The following SFTPD variants were observed in gnomAD, a reference collection of about 807,000 sequenced individuals.
SFTPD encodes the protein pulmonary surfactant-associated protein D.
SFTPD carries 18 observed loss-of-function variants against 34.6 expected under a neutral mutation model. The observed-to-expected ratio is 0.52, with a 90% CI of 0.36 to 0.77. SFTPD has a LOEUF of 0.77. SFTPD is among the 30% of genes least tolerant of loss of function. The pLI is 0.00. For synonymous variants in SFTPD, 155 were observed against 180.9 expected, an observed-to-expected ratio of 0.86 and a Z score of 1.15; for missense variants, 433 against 468.9, an observed-to-expected ratio of 0.92 and a Z score of 0.71.
intron 1 of SFTPD, chr10:79,971,009 A>G (rs756841698): frequency 6.6e-6 from 1 of 152,172 alleles, no homozygotes; most frequent in Non-Finnish European, 1.5e-5. Context: ...GGTTTGTTAT[A>G]TGTAGTCTTT....
chr10:79,973,084 G>A (rs987175967), intron 1 of SFTPD: 5 of 151,530 alleles, frequency 3.3e-5, no homozygotes, highest in African/African-American at 9.7e-5. Flanking sequence ...AGTTACAATA[G>A]CCCCTCCATG....
chr10:79,946,980 C>T (rs562815058), intron 1 of SFTPD, among the ~76,000 whole-genome samples: 1 of 152,360 alleles, frequency 6.6e-6, no homozygotes, highest in South Asian at 2.1e-4. Context: ...TGTAGCATTC[C>T]TCACTGGGGC....
At chr10:79,945,454 A>G (rs1842655523) in intron 2 of SFTPD, among the ~76,000 whole-genome samples, 1 of 152,124 alleles carries the variant, frequency 6.6e-6, no homozygotes, top group African/African-American at 2.4e-5. Flanking sequence ...AAAGTTAAAG[A>G]CTGTATCTGA....
chr10:79,938,957 G>A (rs1193831887), intron 7 of SFTPD, among the ~76,000 whole-genome samples: 2 of 152,224 alleles, frequency 1.3e-5, no homozygotes, highest in African/African-American at 4.8e-5. Flanking sequence ...TGGTGTTAGT[G>A]CTGGAGACAG....
At chr10:79,955,329 C>T (rs1589338845) in intron 1 of SFTPD, among the ~76,000 whole-genome samples, 1 of 152,110 alleles carries the variant, frequency 6.6e-6, no homozygotes, top group Non-Finnish European at 1.5e-5. Flanking sequence ...TTCTTGGTGT[C>T]ATGAGACTAT....
At chr10:79,946,736 T>TTGTCACCTCTAGAAGCTG in intron 1 of SFTPD, 74 bp from the exon 2 acceptor site, 1 of 1,386,542 alleles carries the variant, frequency 7.2e-7, no homozygotes, top group Non-Finnish European at 1.0e-6. Context: ...GCTCAGCTTC[T>TTGTCACCTCTAGAAGCTG]AGAGGTGACA....
intron 1 of SFTPD, chr10:79,968,068 A>G (rs1184938380): frequency 6.6e-6 from 1 of 152,056 alleles, no homozygotes; most frequent in Non-Finnish European, 1.5e-5. Flanking sequence ...AGTTGTACAT[A>G]TTTATGGAGT....
intron 1 of SFTPD, among the ~76,000 whole-genome samples, chr10:79,965,418 G>A (rs1488123015): frequency 6.6e-6 from 1 of 151,474 alleles, no homozygotes; most frequent in Admixed American, 6.6e-5. Context: ...CCCACTCTAG[G>A]TTCCCACATC....
intron 1 of SFTPD, among the ~76,000 whole-genome samples, chr10:79,947,075 C>T (rs1842673461): frequency 1.3e-5 from 2 of 152,230 alleles, no homozygotes; most frequent in African/African-American, 2.4e-5. Flanking sequence ...CCTGTCTGTA[C>T]CACTGAGGCA....
chr10:79,938,446 G>A (rs551881630), intron 7 of SFTPD, among the ~76,000 whole-genome samples: 1 of 152,264 alleles, frequency 6.6e-6, no homozygotes, highest in Admixed American at 6.5e-5. Context: ...ACAGATGAGA[G>A]TACTGGAGTT....
chr10:79,938,412 A>G (rs17879274), intron 7 of SFTPD, among the ~76,000 whole-genome samples, 184 bp from the exon 8 acceptor site: 221 of 152,258 alleles, frequency 1.5e-3, no homozygotes, highest in African/African-American at 5.0e-3. Flanking sequence ...CTACCCTGTG[A>G]GGTGACACCA....
At chr10:79,979,572 G>A (rs561102157) in intron 1 of SFTPD, among the ~76,000 whole-genome samples, 11 of 152,344 alleles carry the variant, frequency 7.2e-5, no homozygotes, top group African/African-American at 1.9e-4. Context: ...ACAGGACACA[G>A]TTCAGCCAGC....
At chr10:79,982,160 G>A (rs1297470619) in intron 1 of SFTPD, 1 of 399,970 alleles carries the variant, frequency 2.5e-6, no homozygotes, top group African/African-American at 2.1e-5. Flanking sequence ...GCGGGGCAGG[G>A]CGGACATGGG....
At chr10:79,954,018 A>G (rs10887229), upstream of SFTPD, among the ~76,000 whole-genome samples, 22,101 of 148,342 alleles carry the variant, frequency 0.15, 2,046 homozygotes, top group East Asian at 0.41. Context: ...TTTTTTTTAT[A>G]TAGTTTTTAT....
chr10:79,938,425 A>T (rs759563413), intron 7 of SFTPD, among the ~76,000 whole-genome samples, 197 bp from the exon 8 acceptor site: 1 of 152,126 alleles, frequency 6.6e-6, no homozygotes, highest in Non-Finnish European at 1.5e-5. Flanking sequence ...TGACACCATG[A>T]TTCCCCACTT....
chr10:79,982,262 G>C, intron 1 of SFTPD: 1 of 946,702 alleles, frequency 1.1e-6, no homozygotes, highest in Non-Finnish European at 1.4e-6. Flanking sequence ...GGGCGGCGGC[G>C]GGGGCGCTCG....
intron 1 of SFTPD, among the ~76,000 whole-genome samples, chr10:79,964,830 C>T (rs187170372): frequency 1.3e-5 from 2 of 152,194 alleles, no homozygotes; most frequent in East Asian, 3.9e-4. Context: ...ACTAAAATAC[C>T]TCTTGGTCTA....
chr10:79,961,955 T>C (rs1842775489), intron 1 of SFTPD, among the ~76,000 whole-genome samples: 1 of 145,930 alleles, frequency 6.9e-6, no homozygotes, highest in African/African-American at 2.5e-5. Context: ...CATGGAATAC[T>C]ATGCAGCCAT....
chr10:79,956,310 C>T (rs1483389041), intron 1 of SFTPD, among the ~76,000 whole-genome samples: 1 of 152,218 alleles, frequency 6.6e-6, no homozygotes, highest in Non-Finnish European at 1.5e-5. Context: ...GGTTGCAGGA[C>T]AGTGGGTGCA....
Sources: allele counts gnomAD v4.1 joint callset (sites outside exome capture counted in the v4.1 genomes callset), GRCh38; gene constraint gnomAD v4.1.1; transcripts MANE v1.5; gene names NCBI Gene and HGNC (gene_info 2026-07-23, HGNC 2026-07-21).